The following ABL1 variants were observed in gnomAD, a reference collection of about 807,000 sequenced individuals.
ABL1 encodes the protein tyrosine-protein kinase ABL1.
A neutral mutation model predicts 94.7 loss-of-function variants in ABL1; 11 were observed. The ratio of observed to expected loss-of-function variants is 0.12; its 90% CI spans 0.07 to 0.19. The LOEUF (loss-of-function observed/expected upper bound fraction) is 0.19. Among genes scored for constraint, ABL1 ranks in the 10% least tolerant of loss-of-function variants. The pLI, the probability that ABL1 is intolerant of heterozygous loss-of-function variation, is 1.00. For missense variants in ABL1, 1,082 were observed against 1,489.4 expected (o/e 0.73, Z 4.50); for synonymous variants, 656 against 622.4 (o/e 1.05, Z -0.80).
chr9:130,787,605 A>G (rs1829847346), intron 1 of ABL1, among the ~76,000 whole-genome samples: 1 of 152,060 alleles, frequency 6.6e-6, no homozygotes, highest in Non-Finnish European at 1.5e-5. Context: ...GAAGGAGGCA[A>G]GATTTTACCC....
intron 1 of ABL1, among the ~76,000 whole-genome samples, chr9:130,745,988 C>T (rs777851349): frequency 6.6e-6 from 1 of 152,138 alleles, no homozygotes; most frequent in Non-Finnish European, 1.5e-5. Flanking sequence ...GCTGTTATCC[C>T]TTGCCAGTTT....
intron 1 of ABL1, among the ~76,000 whole-genome samples, chr9:130,779,422 T>C (rs1031839843): frequency 4.6e-5 from 7 of 152,184 alleles, no homozygotes; most frequent in Non-Finnish European, 7.4e-5. Context: ...CCCCCCACCA[T>C]TTTTTTATTT....
At chr9:130,866,585 C>T (rs1432208062) in intron 4 of ABL1, among the ~76,000 whole-genome samples, 1 of 152,150 alleles carries the variant, frequency 6.6e-6, no homozygotes, top group Non-Finnish European at 1.5e-5. Flanking sequence ...CTACTTTTAA[C>T]CGCAACTCCA....
At chr9:130,804,886 A>G (rs1372900044) in intron 1 of ABL1, among the ~76,000 whole-genome samples, 2 of 152,212 alleles carry the variant, frequency 1.3e-5, no homozygotes, top group Non-Finnish European at 2.9e-5. Flanking sequence ...AGAGTCATCT[A>G]TCAAAAGCCA....
chr9:130,777,306 A>C (rs1266559713), intron 1 of ABL1, among the ~76,000 whole-genome samples: 1 of 152,218 alleles, frequency 6.6e-6, no homozygotes, highest in Non-Finnish European at 1.5e-5. Context: ...ATATATGTGG[A>C]TGGGGTTGTC....
chr9:130,812,117 C>G (rs1465305020), intron 1 of ABL1, among the ~76,000 whole-genome samples: 2 of 145,570 alleles, frequency 1.4e-5, no homozygotes, highest in African/African-American at 2.5e-5. Flanking sequence ...GTAATCCCAG[C>G]ATTTTGGGAG....
rs975648379 is a variant in ABL1 at position 130,750,415 on chromosome 9, C to T, written c.136+35960C>T. Among the ~76,000 whole-genome samples, 5 of 24,158 alleles carry T rather than the reference C, an allele frequency of 2.1e-4. 1 individual carries two copies. Among genetic ancestry groups the T allele is most frequent in the East Asian group, 6.3e-3 (2 of 318 alleles). 15.8% of individuals were successfully genotyped at this position (24,158 alleles called of 152,430 possible). ...TCCTTCCCTTCCTCCCTCCCTCCCT[C>T]CCTCCCTCCCTCCCTCCCTCCCTCC... On this transcript the variant is annotated intron_variant, in intron 1 of 10. Coordinates refer to the ABL1 transcript ENST00000372348.
At chr9:130,796,847 G>C (rs781373981) in intron 1 of ABL1, among the ~76,000 whole-genome samples, 16 of 149,766 alleles carry the variant, frequency 1.1e-4, no homozygotes, top group Admixed American at 2.0e-4. Flanking sequence ...TTGAACCCGG[G>C]AGGTAGAGGT....
exon 1 of ABL1, chr9:130,714,266 C>T (rs1448999717): frequency 1.3e-6 from 2 of 1,514,032 alleles, no homozygotes; most frequent in Non-Finnish European, 1.8e-6. Context: ...CGCTCGCTGA[C>T]CGTTCTGGAA....
intron 1 of ABL1, among the ~76,000 whole-genome samples, chr9:130,766,753 C>A (rs1056265608): frequency 2.0e-5 from 3 of 152,128 alleles, no homozygotes; most frequent in Admixed American, 2.0e-4. Context: ...GCTGTCAGGG[C>A]TACCACCCCG....
intron 1 of ABL1, among the ~76,000 whole-genome samples, chr9:130,820,937 A>T (rs199574846): frequency 1.3e-5 from 2 of 149,168 alleles, no homozygotes; most frequent in African/African-American, 2.5e-5. Flanking sequence ...TTTATTTTTT[A>T]TTTTTTTTTC....
chr9:130,738,160 A>G (rs1016073279), intron 1 of ABL1, among the ~76,000 whole-genome samples: 5 of 152,170 alleles, frequency 3.3e-5, no homozygotes, highest in Admixed American at 1.3e-4. Context: ...ATTAGGAGAA[A>G]AACCAAAAGA....
intron 3 of ABL1, among the ~76,000 whole-genome samples, chr9:130,860,881 C>T (rs573518943): frequency 1.5e-4 from 23 of 152,294 alleles, no homozygotes; most frequent in African/African-American, 2.2e-4. Flanking sequence ...GGTCCCGCTC[C>T]GTTTTCTTTG....
At chr9:130,727,975 T>C (rs1051026411) in intron 1 of ABL1, among the ~76,000 whole-genome samples, 1 of 151,986 alleles carries the variant, frequency 6.6e-6, no homozygotes, top group Non-Finnish European at 1.5e-5. Context: ...GTAAGACTAA[T>C]GAAGAAAAAG....
At chr9:130,725,823 G>GTTTTTTTTT (rs1564269422) in intron 1 of ABL1, among the ~76,000 whole-genome samples, 5 of 80,858 alleles carry the variant, frequency 6.2e-5, no homozygotes, top group South Asian at 8.2e-4. Context: ...TGTGTATGGT[G>GTTTTTTTTT]GTTTTTTTTT....
At chr9:130,793,802 C>T (rs1293225238) in intron 1 of ABL1, among the ~76,000 whole-genome samples, 2 of 152,128 alleles carry the variant, frequency 1.3e-5, no homozygotes, top group Admixed American at 6.6e-5. Context: ...GTATTTACAG[C>T]CGCTCCCCAT....
At chr9:130,857,528 C>T (rs887295839) in intron 3 of ABL1, among the ~76,000 whole-genome samples, 8 of 152,034 alleles carry the variant, frequency 5.3e-5, no homozygotes, top group African/African-American at 1.7e-4. Flanking sequence ...TCTCTGTTCT[C>T]TTCCATTGGT....
chr9:130,796,920 CAAAAAA>C (rs10607745), intron 1 of ABL1, among the ~76,000 whole-genome samples: 4 of 60,768 alleles, frequency 6.6e-5, no homozygotes, highest in African/African-American at 1.1e-4. Context: ...AACTTCATCT[CAAAAAA>C]AAAAAAAAAA....
chr9:130,765,780 T>A (rs1832175251), intron 1 of ABL1, among the ~76,000 whole-genome samples: 1 of 152,326 alleles, frequency 6.6e-6, no homozygotes, highest in South Asian at 2.1e-4. Flanking sequence ...ATGCCACAGA[T>A]TTAATGCTTG....
Sources: gnomAD v4.1 joint callset for allele counts (sites outside exome capture counted in the v4.1 genomes callset) on GRCh38, gnomAD v4.1.1 for gene constraint, MANE v1.5 for transcripts, NCBI Gene and HGNC (gene_info 2026-07-23, HGNC 2026-07-21) for gene names.